Variants in FAM53A observed in about 807,000 individuals in gnomAD.
FAM53A encodes protein FAM53A.
In FAM53A, 28 loss-of-function variants were observed where a neutral mutation model predicts 26.6. The ratio of observed to expected loss-of-function variants is 1.05; its 90% CI spans 0.78 to 1.45. The LOEUF is 1.45. Among genes scored for constraint, FAM53A ranks in the 40% most tolerant of loss-of-function variants. The pLI, the probability that FAM53A is intolerant of heterozygous loss-of-function variation, is 0.00. For missense variants in FAM53A, 650 were observed against 575.8 expected (o/e 1.13, Z -1.32); for synonymous variants, 290 against 253.1 (o/e 1.15, Z -1.38).
Position 1,655,358 on chromosome 4 carries a change from C to G in FAM53A, c.502G>C (p.Val168Leu). The G allele has an allele frequency of 7.0e-7, 1 of 1,438,530 alleles. No individual in the cohort carries two copies. Among genetic ancestry groups the G allele is most frequent in the South Asian group, 1.5e-5 (1 of 67,550 alleles). The allele number at this position is 1,438,530 out of a possible 1,614,324, so 89.1% of individuals were successfully genotyped here. ...GACCACACAGCACTCCTCGGCAGGACGGCGCCGGGGCTTCCCTGCCGCGTG... is the reference window on the plus strand; with the variant it reads ...GACCACACAGCACTCCTCGGCAGGAGGGCGCCGGGGCTTCCCTGCCGCGTG... ...SATRQGSPGA[V>L]LPRSAVWSTG... The change falls in exon 4 of 5, where the codon GTC becomes CTC. Residue 168 changes from valine (V) to leucine (L), a missense_variant. Val to Leu is a conservative substitution (Grantham distance 32, BLOSUM62 1). Transcript: ENST00000308132.
chr4:1,582,385 C>A, the FAM53A span, among the ~76,000 whole-genome samples: 2 of 152,204 alleles, frequency 1.3e-5, no homozygotes, highest in Non-Finnish European at 2.9e-5. Context: ...GACGTCACCA[C>A]CACCCCGCGG....
At chr4:1,629,780 CAGTT>C (rs1167231067) in intron 1 of FAM53A, among the ~76,000 whole-genome samples, 2 of 152,188 alleles carry the variant, frequency 1.3e-5, no homozygotes, top group African/African-American at 2.4e-5. Flanking sequence ...TCTCCGAAGG[CAGTT>C]AGTCCCGGAA....
At chr4:1,682,114 A>C (rs897354733) in intron 1 of FAM53A, among the ~76,000 whole-genome samples, 3 of 152,208 alleles carry the variant, frequency 2.0e-5, no homozygotes, top group African/African-American at 4.8e-5. Flanking sequence ...ATTAAACTAC[A>C]TAACACATGT....
chr4:1,633,780 G>T (rs561863048), intron 1 of FAM53A, among the ~76,000 whole-genome samples: 1 of 151,990 alleles, frequency 6.6e-6, no homozygotes, highest in South Asian at 2.1e-4. Flanking sequence ...TAATGCATTC[G>T]ATATTCCTCA....
Position 1,640,027 on chromosome 4 carries a change from G to A in FAM53A, c.*1266C>T, listed in dbSNP as rs1203498637. The A allele has an allele frequency of 6.6e-6, 1 of 152,252 alleles. No homozygotes were observed. Among genetic ancestry groups the A allele is most frequent in the Non-Finnish European group, 1.5e-5 (1 of 68,042 alleles). The allele number at this position is 152,252 out of a possible 1,614,324, so 9.4% of individuals were successfully genotyped here. ...CGCAGCCAGGCCCACTTCAGATGGT[G>A]GAAACGAAAATTAATCAGAAGTCGT... is the stretch of plus-strand genomic sequence containing the variant. On this transcript the variant is annotated 3_prime_UTR_variant, in exon 5 of 5. Coordinates refer to ENST00000308132, the MANE Select transcript of FAM53A (RefSeq NM_001174070.3).
chr4:1,670,375 C>A (rs151217883), intron 1 of FAM53A, among the ~76,000 whole-genome samples: 4 of 152,262 alleles, frequency 2.6e-5, no homozygotes, highest in Non-Finnish European at 5.9e-5. Context: ...AGCAGCGACG[C>A]GCACAGTGGG....
downstream of FAM53A, among the ~76,000 whole-genome samples, chr4:1,617,455 T>G (rs930284277): frequency 3.9e-5 from 6 of 152,148 alleles, no homozygotes; most frequent in Admixed American, 3.3e-4. Flanking sequence ...TCCATTTAGT[T>G]CCCCACCTAT....
the FAM53A span, among the ~76,000 whole-genome samples, chr4:1,597,184 C>G: frequency 4.6e-5 from 7 of 152,002 alleles, no homozygotes; most frequent in African/African-American, 1.7e-4. Flanking sequence ...CCGGGCACCC[C>G]TGGGCTCCAG....
chr4:1,641,700 G>A, intron 4 of FAM53A, 93 bp from the exon 5 acceptor site: 3 of 1,310,378 alleles, frequency 2.3e-6, no homozygotes, highest in Non-Finnish European at 2.2e-6. Flanking sequence ...GTGTGCTGGG[G>A]CTCTGGCCAT....
rs1711604731 is a variant in FAM53A, at chr4:1,640,699, A to AGTGCAGGCGGCAGCCGTG, written c.*576_*593dup. 2.9e-6 allele frequency: 1 copy of AGTGCAGGCGGCAGCCGTG among 350,080 alleles called. No individual in the cohort carries two copies. The highest frequency in any genetic ancestry group is 5.3e-6 in the Non-Finnish European group (1 of 188,672). 21.7% of individuals were successfully genotyped at this position (350,080 alleles called of 1,614,324 possible). On this transcript the variant is annotated 3_prime_UTR_variant, in exon 5 of 5. Transcript: ENST00000308132. Reference sequence around the variant, plus strand: ...TGAAACCTAGTCTGTGCCCCAGGGCAGTGCAGGCGGCAGCCGTGGCCCCGA... The same window carrying AGTGCAGGCGGCAGCCGTG: ...TGAAACCTAGTCTGTGCCCCAGGGCAGTGCAGGCGGCAGCCGTGGTGCAGGCGGCAGCCGTGGCCCCGA...
chr4:1,605,168 C>T, the FAM53A span, among the ~76,000 whole-genome samples: 1 of 152,232 alleles, frequency 6.6e-6, no homozygotes, highest in Non-Finnish European at 1.5e-5. This position sits in a 1 kb window ranked among gnomAD's most constrained non-coding sequence, Gnocchi z 5.7. Flanking sequence ...ATGCCCACGG[C>T]CTCCAGGCCC....
chr4:1,606,972 G>A, the FAM53A span, among the ~76,000 whole-genome samples: 1 of 152,230 alleles, frequency 6.6e-6, no homozygotes, highest in South Asian at 2.1e-4. Context: ...GGGCACGAGG[G>A]TTTCGGCGTC....
intron 4 of FAM53A, among the ~76,000 whole-genome samples, chr4:1,649,461 G>C (rs540807951): frequency 9.8e-5 from 15 of 152,356 alleles, no homozygotes; most frequent in African/African-American, 3.6e-4. Flanking sequence ...CCTTCAAAAA[G>C]TGGAGCCCGA....
At chr4:1,617,083 G>C (rs4594783), downstream of FAM53A, among the ~76,000 whole-genome samples, 1,752 of 91,972 alleles carry the variant, frequency 0.019, 153 homozygotes, top group African/African-American at 0.067. Flanking sequence ...GTTGCAGTGA[G>C]CTGAGATAGC....
intron 2 of FAM53A, among the ~76,000 whole-genome samples, chr4:1,664,946 C>T (rs1357005721): frequency 6.6e-6 from 1 of 152,008 alleles, no homozygotes; most frequent in Non-Finnish European, 1.5e-5. Flanking sequence ...CCACTGCATT[C>T]CAGCCTGGGC....
rs751213329 is a variant in FAM53A, at chr4:1,641,416, C to T, written c.1074G>A (p.Ser358=). 8.1e-6 allele frequency: 13 copies of T among 1,611,908 alleles called. No individual in the cohort carries two copies. The highest frequency in any genetic ancestry group is 3.4e-5 in the Admixed American group (2 of 59,210). ...TCCTGCGGGAGCCATCACTGGTCAC[C>T]GACTCCCTAGAGGCCCACAGGTTGG... is the stretch of plus-strand genomic sequence containing the variant. The part of the protein sequence containing the change: ...VHPNLWASRE[S]VTSDGSRRSS... The change falls in exon 5 of 5, where the codon TCG becomes TCA. Residue 358 remains serine, a synonymous_variant. Transcript: ENST00000308132.
chr4:1,583,125 G>C, the FAM53A span, among the ~76,000 whole-genome samples: 3 of 152,312 alleles, frequency 2.0e-5, no homozygotes, highest in African/African-American at 7.2e-5. Flanking sequence ...AGATGGCAAA[G>C]GGAGATGGGT....
intron 1 of FAM53A, among the ~76,000 whole-genome samples, chr4:1,624,873 C>T (rs1476672740): frequency 1.3e-5 from 2 of 152,064 alleles, no homozygotes; most frequent in African/African-American, 2.4e-5. Context: ...TCCCGGCCCA[C>T]GTGGTCAGGG....
At chr4:1,575,580 G>A in the FAM53A span, among the ~76,000 whole-genome samples, 1 of 152,098 alleles carries the variant, frequency 6.6e-6, no homozygotes, top group South Asian at 2.1e-4. Context: ...GCAGGACGGG[G>A]AGCGCCTTGC....
Sources: allele counts gnomAD v4.1 joint callset (sites outside exome capture counted in the v4.1 genomes callset), GRCh38; gene constraint gnomAD v4.1.1; non-coding constraint Gnocchi (gnomAD v3.1); transcripts MANE v1.5; gene names NCBI Gene and HGNC (gene_info 2026-07-23, HGNC 2026-07-21).